Variants in VWA3B observed in about 807,000 individuals in gnomAD.
VWA3B encodes von Willebrand factor A domain-containing protein 3B.
Under a neutral mutation model 158.3 loss-of-function variants are expected in VWA3B, and 138 were observed. The observed-to-expected ratio is 0.87, with a 90% CI of 0.76 to 1.00. VWA3B has a LOEUF of 1.00. VWA3B is among the 50% of genes least tolerant of loss of function. The probability of loss-of-function intolerance (pLI) is 0.00; values close to 1 mark genes in which losing one functional copy is unlikely to be tolerated. For missense variants in VWA3B, 1,555 were observed against 1,565.1 expected (o/e 0.99, Z 0.11); for synonymous variants, 596 against 587.3 (o/e 1.01, Z -0.21).
intron 6 of VWA3B, among the ~76,000 whole-genome samples, chr2:98,130,589 T>C (rs192853040): frequency 1.6e-3 from 251 of 152,336 alleles, no homozygotes; most frequent in Non-Finnish European, 8.5e-4. Flanking sequence ...TGGTGATGAC[T>C]CTTAACGAGC....
At chr2:98,108,830 C>T (rs1276927366) in intron 2 of VWA3B, among the ~76,000 whole-genome samples, 1 of 151,800 alleles carries the variant, frequency 6.6e-6, no homozygotes, top group African/African-American at 2.4e-5. Flanking sequence ...TATATTAGAC[C>T]ATTTACAATT....
chr2:98,120,166 C>A (rs1674853504), intron 4 of VWA3B, among the ~76,000 whole-genome samples: 1 of 152,192 alleles, frequency 6.6e-6, no homozygotes, highest in South Asian at 2.1e-4. Flanking sequence ...CTCAAGTTGA[C>A]CTCCCCTATA....
intron 26 of VWA3B, among the ~76,000 whole-genome samples, chr2:98,305,287 G>A (rs184646869): frequency 4.5e-4 from 68 of 152,298 alleles, no homozygotes; most frequent in African/African-American, 1.4e-3. Context: ...GTCAGACTCC[G>A]AGAGTGGGCC....
chr2:98,139,223 C>T (rs1200440004), intron 7 of VWA3B, among the ~76,000 whole-genome samples: 2 of 152,240 alleles, frequency 1.3e-5, no homozygotes, highest in Non-Finnish European at 2.9e-5. Flanking sequence ...TCTCGCCAGG[C>T]CTTAGCTGCC....
chr2:98,310,716 A>G (rs1193188174), intron 26 of VWA3B, among the ~76,000 whole-genome samples: 3 of 152,194 alleles, frequency 2.0e-5, no homozygotes, highest in African/African-American at 7.2e-5. Flanking sequence ...AGAACCTGCT[A>G]TCACAGAACC....
At chr2:98,229,207 C>T (rs897308200) in intron 15 of VWA3B, among the ~76,000 whole-genome samples, 1 of 152,134 alleles carries the variant, frequency 6.6e-6, no homozygotes, top group African/African-American at 2.4e-5. Context: ...AAAATTTGAA[C>T]AAATAAACTA....
intron 24 of VWA3B, 38 bp downstream of exon 24, chr2:98,298,069 C>T: frequency 7.0e-7 from 1 of 1,423,316 alleles, no homozygotes; most frequent in Non-Finnish European, 9.2e-7. Flanking sequence ...CCCCTTTTCA[C>T]CATCCACAGA....
intron 6 of VWA3B, among the ~76,000 whole-genome samples, chr2:98,128,761 G>A (rs10198904): frequency 0.42 from 64,284 of 151,978 alleles, 13,948 homozygotes; most frequent in African/African-American, 0.45. Context: ...ACTTAGAACC[G>A]CTGTTCTCTA....
chr2:98,329,751 G>A, the VWA3B span, among the ~76,000 whole-genome samples: 1 of 152,214 alleles, frequency 6.6e-6, no homozygotes, highest in African/African-American at 2.4e-5. Flanking sequence ...AGCTATCCTA[G>A]ATAATCTGGG....
intron 2 of VWA3B, among the ~76,000 whole-genome samples, chr2:98,096,655 G>A (rs984650152): frequency 6.6e-6 from 1 of 152,188 alleles, no homozygotes; most frequent in Non-Finnish European, 1.5e-5. Context: ...TTGGTAGAAT[G>A]TATGTGTCCA....
chr2:98,165,404 C>T (rs915554352), intron 8 of VWA3B, among the ~76,000 whole-genome samples: 1 of 152,170 alleles, frequency 6.6e-6, no homozygotes, highest in African/African-American at 2.4e-5. Flanking sequence ...ATCAGGATGT[C>T]TGATTAAATC....
rs149777792 is a variant in VWA3B at position 98,249,106 on chromosome 2, A to G, written c.2674-1212A>G. 4.5e-4 allele frequency among the ~76,000 whole-genome samples: 68 copies of G among 152,278 alleles called. 1 individual carries two copies. Among genetic ancestry groups the G allele is most frequent in the African/African-American group, 1.6e-3 (68 of 41,538 alleles). ...TGCCTACATGCTCCTTATGGGTGGA[A>G]TCATTTTTGAAACAATGACAGTATA... On this transcript the variant is annotated intron_variant, in intron 19 of 27. Coordinates refer to ENST00000477737, the MANE Select transcript of VWA3B (RefSeq NM_144992.5).
chr2:98,128,230 G>A lies in VWA3B; in HGVS notation c.703-9G>A. 6.2e-7 allele frequency: 1 copy of A among 1,613,602 alleles called. No homozygotes were observed. The highest frequency in any genetic ancestry group is 8.5e-7 in the Non-Finnish European group (1 of 1,179,542). On this transcript the variant is annotated splice_polypyrimidine_tract_variant and intron_variant, in intron 5 of 27. Transcript: ENST00000477737. Reference sequence around the variant, plus strand: ...AGGGAGATAAACCGTTGGCACCACTGTTTTGCAGATTGAATCCATTTACTA... The same window carrying A: ...AGGGAGATAAACCGTTGGCACCACTATTTTGCAGATTGAATCCATTTACTA...
At position 98,248,823 on chromosome 2, in the gene VWA3B, TTTTCTTTCTTTC is replaced by T. The variant is rs55742932; in HGVS notation, c.2674-1445_2674-1434del. Reference sequence around the variant, plus strand: ...TCTCTCTGTCTCTCTTTCTCTTTCTTTTTCTTTCTTTCTTTCTTTCTTTCTTTCTTTCTTTCT... The same window carrying T: ...TCTCTCTGTCTCTCTTTCTCTTTCTTTTTCTTTCTTTCTTTCTTTCTTTCT... On this transcript the variant is annotated intron_variant, in intron 19 of 27. Transcript: ENST00000477737. Among the ~76,000 whole-genome samples the T allele has an allele frequency of 5.1e-3, 697 of 137,804 alleles. 9 individuals carry two copies. The highest frequency in any genetic ancestry group is 7.6e-3 in the Non-Finnish European group (478 of 62,694). The allele number at this position is 137,804 out of a possible 152,430, so 90.4% of individuals were successfully genotyped here.
intron 24 of VWA3B, among the ~76,000 whole-genome samples, chr2:98,298,726 C>G (rs1284141939): frequency 6.6e-6 from 1 of 152,202 alleles, no homozygotes; most frequent in Non-Finnish European, 1.5e-5. Flanking sequence ...AATGAAGCTG[C>G]GAATGCAGGG....
chr2:98,106,572 G>A (rs1673679622), intron 2 of VWA3B, among the ~76,000 whole-genome samples: 1 of 152,078 alleles, frequency 6.6e-6, no homozygotes. Context: ...TTCATCAGCT[G>A]TCTTAAAATT....
intron 16 of VWA3B, among the ~76,000 whole-genome samples, chr2:98,231,987 G>A (rs1685367631): frequency 1.3e-5 from 2 of 152,080 alleles, no homozygotes; most frequent in East Asian, 1.9e-4. Context: ...ACTTCATCCA[G>A]CTTTGGTATC....
At chr2:98,182,715 T>A (rs932952639) in intron 9 of VWA3B, among the ~76,000 whole-genome samples, 3 of 151,708 alleles carry the variant, frequency 2.0e-5, no homozygotes, top group African/African-American at 4.8e-5. Context: ...AGGTCAGGAG[T>A]TCGTGACCAG....
chr2:98,146,641 G>A (rs1274729194), intron 7 of VWA3B, among the ~76,000 whole-genome samples: 2 of 152,172 alleles, frequency 1.3e-5, no homozygotes, highest in Non-Finnish European at 2.9e-5. Context: ...TGACCACTCT[G>A]GGTACACATT....
Sources: gnomAD v4.1 joint callset for allele counts (sites outside exome capture counted in the v4.1 genomes callset) on GRCh38, gnomAD v4.1.1 for gene constraint, MANE v1.5 for transcripts, NCBI Gene and HGNC (gene_info 2026-07-23, HGNC 2026-07-21) for gene names.